Variants in SLC38A4 observed in about 807,000 individuals in gnomAD.
SLC38A4 encodes the protein sodium-coupled neutral amino acid transporter 4.
Under a neutral mutation model 63.1 loss-of-function variants are expected in SLC38A4, and 20 were observed. That is an observed-to-expected ratio of 0.32 (90% CI 0.22 to 0.46). The LOEUF is 0.46. Among genes scored for constraint, SLC38A4 ranks in the 20% least tolerant of loss-of-function variants. SLC38A4 has a pLI of 1.00. For missense variants in SLC38A4, 526 were observed against 663.6 expected (o/e 0.79, Z 2.28); for synonymous variants, 230 against 225.5 (o/e 1.02, Z -0.18).
chr12:46,798,795 A>T (rs1480194216), intron 2 of SLC38A4, among the ~76,000 whole-genome samples: 1 of 151,846 alleles, frequency 6.6e-6, no homozygotes, highest in African/African-American at 2.4e-5. Flanking sequence ...GGTGAGTACA[A>T]TTTTTTTTCT....
At chr12:46,832,388 G>A (rs1301071193) in exon 1 of SLC38A4, 1 of 152,180 alleles carries the variant, frequency 6.6e-6, no homozygotes, top group African/African-American at 2.4e-5. Flanking sequence ...AGGGATGGAT[G>A]GAGAGACCCT....
At position 46,783,051 on chromosome 12, in the gene SLC38A4, T is replaced by TGC. The variant is rs1555170943; in HGVS notation, c.493+1490_493+1491insGC. On this transcript the variant is annotated intron_variant, in intron 7 of 16. Transcript: ENST00000266579. ...GTGTGTGTGTGTGTGTGTGTGTGTG[T>TGC]GTGTGTGTTAGGGTTGGAGGACTTT... 7.9e-3 allele frequency among the ~76,000 whole-genome samples: 1,115 copies of TGC among 141,086 alleles called. 11 individuals carry two copies. The highest frequency in any genetic ancestry group is 0.01 in the Middle Eastern group (3 of 288). The allele number at this position is 141,086 out of a possible 152,430, so 92.6% of individuals were successfully genotyped here.
In SLC38A4 at chr12:46,784,595, C is replaced by G; in HGVS notation, c.440G>C (p.Gly147Ala). 1 of 1,612,882 alleles carries G rather than the reference C, an allele frequency of 6.2e-7. No individual in the cohort carries two copies. The highest frequency in any genetic ancestry group is 8.5e-7 in the Non-Finnish European group (1 of 1,179,322). Residue 147 changes from glycine to alanine, a missense_variant, in exon 7 of 17, where the codon GGA (glycine) becomes GCA (alanine). Coordinates refer to ENST00000266579, the MANE Select transcript of SLC38A4 (RefSeq NM_018018.5). The stretch of plus-strand genomic sequence containing the variant: ...AAAAGCTCCAATTTTTCCCGGCCAT[C>G]CAAATGCCTTTTCTCCTAATTTTTC... ...IYEKLGEKAF[G>A]WPGKIGAFVS... is the part of the protein sequence containing the mutation.
intron 1 of SLC38A4, among the ~76,000 whole-genome samples, chr12:46,817,111 TA>T (rs952091538): frequency 3.3e-5 from 5 of 151,070 alleles, no homozygotes; most frequent in Admixed American, 6.6e-5. Flanking sequence ...CAAATAAAAG[TA>T]AAAAAAAATC....
chr12:46,776,271 T>C (rs1565664087), intron 13 of SLC38A4, among the ~76,000 whole-genome samples: 1 of 152,086 alleles, frequency 6.6e-6, no homozygotes, highest in Non-Finnish European at 1.5e-5. Flanking sequence ...TCCTACTCCC[T>C]TTGTGAACTG....
At chr12:46,811,440 A>T (rs932822533) in intron 1 of SLC38A4, among the ~76,000 whole-genome samples, 1 of 152,040 alleles carries the variant, frequency 6.6e-6, no homozygotes, top group South Asian at 2.1e-4. Context: ...GGCAGAGCAG[A>T]TGGCACAAGC....
chr12:46,827,952 G>C (rs1939681759), upstream of SLC38A4, among the ~76,000 whole-genome samples: 1 of 152,144 alleles, frequency 6.6e-6, no homozygotes, highest in Non-Finnish European at 1.5e-5. Flanking sequence ...TGTTAGCACA[G>C]GTAACTTTCA....
chr12:46,790,259 C>T (rs12306007), intron 3 of SLC38A4, among the ~76,000 whole-genome samples: 29,212 of 152,002 alleles, frequency 0.19, 3,309 homozygotes, highest in African/African-American at 0.31. Context: ...AAACAGCACA[C>T]GAAACCACAA....
chr12:46,824,157 A>T (rs7954772), intron 1 of SLC38A4: 87,051 of 152,052 alleles, frequency 0.57, 25,499 homozygotes, highest in Non-Finnish European at 0.62. Context: ...GAGCATAGAT[A>T]GGCAGGGAAC....
intron 3 of SLC38A4, among the ~76,000 whole-genome samples, chr12:46,791,748 T>A (rs560487886): frequency 6.6e-6 from 1 of 152,248 alleles, no homozygotes; most frequent in African/African-American, 2.4e-5. Flanking sequence ...AATTAACATC[T>A]GCACAGGGAG....
chr12:46,799,269 C>A (rs1051172534), intron 2 of SLC38A4, among the ~76,000 whole-genome samples: 2 of 152,072 alleles, frequency 1.3e-5, no homozygotes, highest in South Asian at 2.1e-4. Flanking sequence ...CACAAATGAA[C>A]AAATTAAGAC....
At chr12:46,789,448 G>T (rs189085727) in intron 3 of SLC38A4, among the ~76,000 whole-genome samples, 1 of 152,148 alleles carries the variant, frequency 6.6e-6, no homozygotes. Context: ...TCCACAGAGC[G>T]TTGTGATTCT....
intron 3 of SLC38A4, among the ~76,000 whole-genome samples, chr12:46,791,345 C>T (rs1938884916): frequency 6.6e-6 from 1 of 152,174 alleles, no homozygotes; most frequent in Admixed American, 6.6e-5. Context: ...ACTCTGCAGA[C>T]TCCAAAGCCC....
At position 46,778,284 on chromosome 12, in the gene SLC38A4, C is replaced by T. The variant is rs756980701; in HGVS notation, c.1073+5G>A. On this transcript the variant is annotated splice_donor_5th_base_variant and intron_variant, in intron 12 of 16. Coordinates refer to ENST00000266579, the MANE Select transcript of SLC38A4 (RefSeq NM_018018.5). ...ATTAGAATGCTAAAATGATGGCTGC[C>T]TTACTCTTTAAGTTCACTGTAGATG... 6.2e-7 allele frequency: 1 copy of T among 1,611,918 alleles called. No homozygotes were observed. The highest frequency in any genetic ancestry group is 2.2e-5 in the East Asian group (1 of 44,820).
intron 2 of SLC38A4, among the ~76,000 whole-genome samples, chr12:46,797,456 C>T (rs970874449): frequency 2.6e-4 from 39 of 152,074 alleles, no homozygotes; most frequent in African/African-American, 8.9e-4. Flanking sequence ...CTCCTGCTTC[C>T]CAGACCTCGT....
At chr12:46,830,441 C>G (rs1000508862), upstream of SLC38A4, among the ~76,000 whole-genome samples, 2 of 152,036 alleles carry the variant, frequency 1.3e-5, no homozygotes, top group South Asian at 2.1e-4. Context: ...TCTCCCACCC[C>G]CTGCTAGGCC....
chr12:46,766,372 G>A lies in SLC38A4; in HGVS notation c.*329C>T. 1 of 473,284 alleles carries A rather than the reference G, an allele frequency of 2.1e-6. No homozygotes were observed. Among genetic ancestry groups the A allele is most frequent in the Non-Finnish European group, 4.2e-6 (1 of 238,498 alleles). 29.3% of individuals were successfully genotyped at this position (473,284 alleles called of 1,614,324 possible). ...GGTGCAGGATGAGGAGACGGCAGGGGAAAGAGTACTATCTGATGATTGTTA... is the reference window on the plus strand; with the variant it reads ...GGTGCAGGATGAGGAGACGGCAGGGAAAAGAGTACTATCTGATGATTGTTA... On this transcript the variant is annotated 3_prime_UTR_variant, in exon 17 of 17. Coordinates refer to ENST00000266579, the MANE Select transcript of SLC38A4 (RefSeq NM_018018.5).
upstream of SLC38A4, among the ~76,000 whole-genome samples, chr12:46,829,568 G>A (rs1416977028): frequency 2.0e-5 from 3 of 152,128 alleles, no homozygotes; most frequent in African/African-American, 7.2e-5. Flanking sequence ...TACTGTGATT[G>A]TCCTCACCAC....
chr12:46,771,259 G>A (rs180406), intron 14 of SLC38A4, among the ~76,000 whole-genome samples: 151,211 of 152,244 alleles, frequency 0.99, 75,099 homozygotes, highest in East Asian at 1. Flanking sequence ...GTAGGCTTAC[G>A]AATAAGCTTT....
Sources: allele counts gnomAD v4.1 joint callset (sites outside exome capture counted in the v4.1 genomes callset), GRCh38; gene constraint gnomAD v4.1.1; transcripts MANE v1.5; gene names NCBI Gene and HGNC (gene_info 2026-07-23, HGNC 2026-07-21).